TEX15: variants seen among roughly 807,000 people sequenced by gnomAD.
The protein encoded by TEX15 is testis-expressed protein 15.
Under a neutral mutation model 237.3 loss-of-function variants are expected in TEX15, and 171 were observed. The ratio of observed to expected loss-of-function variants is 0.72; its 90% CI spans 0.64 to 0.82. TEX15 has a LOEUF of 0.82. TEX15 is among the 40% of genes least tolerant of loss of function. The pLI, the probability that TEX15 is intolerant of heterozygous loss-of-function variation, is 0.00. For missense variants in TEX15, 3,750 were observed against 3,646.5 expected (o/e 1.03, Z -0.73); for synonymous variants, 1,338 against 1,269.8 (o/e 1.05, Z -1.14).
chr8:30,888,819 C>T, intron 2 of TEX15: 1 of 350,840 alleles, frequency 2.9e-6, no homozygotes, highest in Admixed American at 3.8e-5. Context: ...GGTGATCTTG[C>T]AATCACCCAA....
Position 30,844,560 on chromosome 8 carries a change from A to G in TEX15, c.5607T>C (p.Asn1869=), listed in dbSNP as rs1210326506. The G allele has an allele frequency of 1.9e-6, 3 of 1,613,068 alleles. No homozygotes were observed. Among genetic ancestry groups the G allele is most frequent in the South Asian group, 1.1e-5 (1 of 90,980 alleles). The change falls in exon 8 of 11, where the codon AAT becomes AAC. Residue 1869 remains asparagine, a synonymous_variant. Coordinates refer to ENST00000643185, the MANE Select transcript of TEX15 (RefSeq NM_001350162.2). The part of the protein sequence containing the change: ...KRSMTEGSTV[N]TEYKNQKNQI... ...GATTCTTTTGATTTTTGTACTCAGT[A>G]TTAACAGTTGATCCTTCAGTCATGC...
In TEX15 at chr8:30,844,294, G is replaced by GT; in HGVS notation, c.5872dup (p.Thr1958AsnfsTer9). 1 of 1,613,362 alleles carries GT rather than the reference G, an allele frequency of 6.2e-7. No individual in the cohort carries two copies. The highest frequency in any genetic ancestry group is 2.2e-5 in the East Asian group (1 of 44,862). ...TTCAGAGTGGGCAGGTAAAATAGGC[G>GT]TATGATTAACTCCTAGAATTCCTGG... On this transcript the variant is annotated frameshift_variant, in exon 8 of 11. Transcript: ENST00000643185. LOFTEE classifies it high-confidence loss of function.
chr8:30,894,402 C>A (rs866801598), intron 2 of TEX15, among the ~76,000 whole-genome samples: 4 of 152,136 alleles, frequency 2.6e-5, no homozygotes, highest in African/African-American at 9.7e-5. Flanking sequence ...TGTGTGTTAT[C>A]GTTTGTTTAT....
chr8:30,846,284 C>T lies in TEX15; in HGVS notation c.3883G>A (p.Val1295Ile), dbSNP rs1042916692. ...TTCCTTTTGCTAATTCTTGATTCTA[C>T]CTCCTTTTTATTTTTGGTATCATTA... Reference protein sequence around the residue: ...DYNDTKNKKEVESRISKRKLH... With the variant: ...DYNDTKNKKEIESRISKRKLH... The change falls in exon 8 of 11, where the codon GTA becomes ATA. Residue 1295 changes from valine to isoleucine, a missense_variant. Val to Ile is a conservative substitution (Grantham distance 29). Coordinates refer to ENST00000643185, the MANE Select transcript of TEX15 (RefSeq NM_001350162.2). The T allele has an allele frequency of 5.0e-6, 8 of 1,613,130 alleles. No homozygotes were observed. The highest frequency in any genetic ancestry group is 4.0e-5 in the African/African-American group (3 of 74,872).
chr8:30,846,968 C>CTTCTAA lies in TEX15; in HGVS notation c.3193_3198dup (p.Leu1065_Glu1066dup), dbSNP rs779981318. On this transcript the variant is annotated inframe_insertion, in exon 8 of 11. Transcript: ENST00000643185. Reference sequence around the variant, plus strand: ...TGAAATATAAAAGCATCATCACAATCTTCTAATTCTATTTCAATTTCACTT... The same window carrying CTTCTAA: ...TGAAATATAAAAGCATCATCACAATCTTCTAATTCTAATTCTATTTCAATTTCACTT... The CTTCTAA allele has an allele frequency of 6.2e-7, 1 of 1,613,684 alleles. No homozygotes were observed. Among genetic ancestry groups the CTTCTAA allele is most frequent in the Non-Finnish European group, 8.5e-7 (1 of 1,179,676 alleles).
chr8:30,876,351 C>G (rs1264846778), intron 3 of TEX15, among the ~76,000 whole-genome samples: 1 of 152,162 alleles, frequency 6.6e-6, no homozygotes, highest in Non-Finnish European at 1.5e-5. Flanking sequence ...ATGTTTGAGT[C>G]AAATAGCACT....
At chr8:30,906,496 A>C (rs1809105405) in intron 1 of TEX15, among the ~76,000 whole-genome samples, 1 of 151,558 alleles carries the variant, frequency 6.6e-6, no homozygotes. Flanking sequence ...AGGCTGAGGC[A>C]GGAGAGTGAT....
chr8:30,890,752 T>C (rs1433676920), intron 2 of TEX15: 1 of 152,212 alleles, frequency 6.6e-6, no homozygotes, highest in Non-Finnish European at 1.5e-5. Context: ...GAAAATATTC[T>C]TTATATTTTT....
At chr8:30,838,107 G>T in intron 9 of TEX15, 46 bp from the exon 10 acceptor site, 1 of 1,459,068 alleles carries the variant, frequency 6.9e-7, no homozygotes, top group South Asian at 1.4e-5. Flanking sequence ...AATATATAGG[G>T]TCATAAAATT....
Position 30,842,038 on chromosome 8 carries a change from T to G in TEX15, c.8129A>C (p.Gln2710Pro). 1 of 1,605,498 alleles carries G rather than the reference T, an allele frequency of 6.2e-7. No homozygotes were observed. The highest frequency in any genetic ancestry group is 8.5e-7 in the Non-Finnish European group (1 of 1,177,858). Residue 2710 changes from glutamine to proline, a missense_variant, in exon 8 of 11, where the codon CAA becomes CCA. Gln to Pro is a moderately conservative substitution (Grantham distance 76, BLOSUM62 -1). Transcript: ENST00000643185. ...DKCEDSQEQQ[Q>P]DTTVSSCKKL... ...TTTACAACTGGAAACAGTAGTATCT[T>G]GCTGTTGTTCCTGAGAGTCTTCACA... is the stretch of plus-strand genomic sequence containing the variant.
intron 8 of TEX15, 56 bp from the exon 9 acceptor site, chr8:30,840,020 A>T: frequency 6.7e-6 from 7 of 1,042,456 alleles, no homozygotes; most frequent in Non-Finnish European, 9.6e-6. Context: ...CTATAATAAA[A>T]ATAATTATTA....
chr8:30,859,778 C>T (rs1563252816), intron 6 of TEX15, 133 bp downstream of exon 6: 1 of 666,594 alleles, frequency 1.5e-6, no homozygotes, highest in East Asian at 3.5e-5. Flanking sequence ...ATTAAAATAG[C>T]TTTCACTGTT....
chr8:30,848,022 T>TG lies in TEX15; in HGVS notation c.2144dup (p.Ser716LysfsTer3), dbSNP rs1807664155. 1.2e-6 allele frequency: 2 copies of TG among 1,613,994 alleles called. No individual in the cohort carries two copies. Among genetic ancestry groups the TG allele is most frequent in the Admixed American group, 1.7e-5 (1 of 60,028 alleles). On this transcript the variant is annotated frameshift_variant, in exon 8 of 11. Coordinates refer to ENST00000643185, the MANE Select transcript of TEX15 (RefSeq NM_001350162.2). LOFTEE classifies it high-confidence loss of function. ...GCTTTTGTGACAGGCTCTCAAAACT[T>TG]GGAGTAATTTGCCATTCCAATGCTA...
rs140513668 is a variant in TEX15, at chr8:30,837,415, T to C, written c.8869A>G (p.Thr2957Ala). 1.2e-6 allele frequency: 2 copies of C among 1,614,068 alleles called. No individual in the cohort carries two copies. Among genetic ancestry groups the C allele is most frequent in the Non-Finnish European group, 1.7e-6 (2 of 1,180,026 alleles). The change falls in exon 10 of 11, where the codon ACA becomes GCA. Residue 2957 changes from threonine (T) to alanine (A), a missense_variant. Physicochemically the swap from Thr to Ala is moderately conservative, Grantham distance 58. Transcript: ENST00000643185. ...PTLQINKLQP[T>A]ETESEDKYMK... is the part of the protein sequence containing the mutation. The stretch of plus-strand genomic sequence containing the variant: ...TATTTGTCCTCTGACTCAGTTTCTG[T>C]AGGCTGTAGTTTGTTTATCTGCAGA...
chr8:30,868,318 T>C (rs1355116315), intron 4 of TEX15, among the ~76,000 whole-genome samples: 1 of 152,042 alleles, frequency 6.6e-6, no homozygotes, highest in Non-Finnish European at 1.5e-5. Context: ...ATATTCTATA[T>C]GGCTTGCTCA....
chr8:30,883,252 A>C (rs550065918), intron 3 of TEX15, among the ~76,000 whole-genome samples: 1 of 152,276 alleles, frequency 6.6e-6, no homozygotes, highest in African/African-American at 2.4e-5. Flanking sequence ...TGTTGAATTT[A>C]GACGGTTTAA....
chr8:30,912,330 G>GCCTCCATGA (rs1412014626), intron 1 of TEX15, among the ~76,000 whole-genome samples: 2 of 80,480 alleles, frequency 2.5e-5, no homozygotes, highest in Non-Finnish European at 5.1e-5. Context: ...CGGGGCGGCG[G>GCCTCCATGA]GGCTCCCGCC....
intron 1 of TEX15, among the ~76,000 whole-genome samples, chr8:30,901,265 T>C (rs952640316): frequency 6.6e-6 from 1 of 152,212 alleles, no homozygotes; most frequent in Non-Finnish European, 1.5e-5. Context: ...CACAGGAATA[T>C]AGTGTTTGCA....
intron 7 of TEX15, among the ~76,000 whole-genome samples, chr8:30,852,416 T>C (rs1244554931): frequency 6.6e-6 from 1 of 152,074 alleles, no homozygotes; most frequent in Admixed American, 6.6e-5. Flanking sequence ...CTTAATAACA[T>C]TTCCATTTTA....
Sources: allele counts gnomAD v4.1 joint callset (sites outside exome capture counted in the v4.1 genomes callset), GRCh38; gene constraint gnomAD v4.1.1; transcripts MANE v1.5; gene names NCBI Gene and HGNC (gene_info 2026-07-23, HGNC 2026-07-21).